Variants in ARHGEF6 observed in about 807,000 individuals in gnomAD.
ARHGEF6 encodes the protein Rac/Cdc42 guanine nucleotide exchange factor 6.
Under a neutral mutation model 70.3 loss-of-function variants are expected in ARHGEF6, and 9 were observed. The ratio of observed to expected loss-of-function variants is 0.13; its 90% CI spans 0.08 to 0.22. ARHGEF6 has a LOEUF of 0.22. Among genes scored for constraint, ARHGEF6 ranks in the 10% least tolerant of loss-of-function variants. The pLI is 1.00. For missense variants in ARHGEF6, 470 were observed against 563.0 expected (o/e 0.83, Z 1.67); for synonymous variants, 201 against 207.8 (o/e 0.97, Z 0.28).
intron 9 of ARHGEF6, among the ~76,000 whole-genome samples, chrX:136,699,410 T>TA (rs1409689527): frequency 1.8e-5 from 2 of 110,807 alleles, no homozygotes; most frequent in Non-Finnish European, 3.8e-5. Flanking sequence ...TTTAAAATAA[T>TA]AAAAAAATAA....
intron 6 of ARHGEF6, among the ~76,000 whole-genome samples, chrX:136,727,391 TTC>T (rs1454784537): frequency 3.0e-5 from 2 of 67,228 alleles, no homozygotes; most frequent in Non-Finnish European, 5.7e-5. Flanking sequence ...CTTTCTTTCT[TTC>T]TTTCTCTCTC....
At chrX:136,750,648 C>T (rs2077140415) in intron 2 of ARHGEF6, among the ~76,000 whole-genome samples, 1 of 111,768 alleles carries the variant, frequency 8.9e-6, no homozygotes, top group East Asian at 2.8e-4. Context: ...AGGTATCATT[C>T]CTGCAATCAG....
intron 9 of ARHGEF6, among the ~76,000 whole-genome samples, chrX:136,693,970 A>G (rs2076484433): frequency 9.1e-6 from 1 of 110,445 alleles, no homozygotes; most frequent in Non-Finnish European, 1.9e-5. Flanking sequence ...CACTGGGTAG[A>G]GTGGTTCCCT....
At position 136,682,022 on chromosome X, in the gene ARHGEF6, A is replaced by T. The variant is rs887254922; in HGVS notation, c.1480-54T>A. On this transcript the variant is annotated intron_variant, in intron 13 of 21. Transcript: ENST00000250617. Reference sequence around the variant, plus strand: ...TCTGCAGTTATACAGGTCTCTGTTTATTTCACTTAGATTTTCTGACCCTCT... The same window carrying T: ...TCTGCAGTTATACAGGTCTCTGTTTTTTTCACTTAGATTTTCTGACCCTCT... 1.4e-5 allele frequency: 14 copies of T among 1,023,545 alleles called. No individual in the cohort carries two copies. The African/African-American group carries it at 2.6e-4, about 19-fold the overall frequency. 84.4% of individuals were successfully genotyped at this position (1,023,545 alleles called of 1,213,427 possible).
rs981888723 is a variant in ARHGEF6, at chrX:136,672,129, A to G, written c.2036-10T>C. The G allele has an allele frequency of 8.6e-7, 1 of 1,158,307 alleles. No individual in the cohort carries two copies. Among genetic ancestry groups the G allele is most frequent in the African/African-American group, 1.8e-5 (1 of 56,177 alleles). On this transcript the variant is annotated splice_polypyrimidine_tract_variant and intron_variant, in intron 19 of 21. Transcript: ENST00000250617. Reference sequence around the variant, plus strand: ...GAATCTTTTCGAGTACCTACAAACAAGGGTTGCAAGATGGGGGAGGAGGGA... The same window carrying G: ...GAATCTTTTCGAGTACCTACAAACAGGGGTTGCAAGATGGGGGAGGAGGGA...
intron 9 of ARHGEF6, 55 bp downstream of exon 9, chrX:136,706,853 C>G: frequency 8.3e-7 from 1 of 1,200,276 alleles, no homozygotes; most frequent in South Asian, 1.8e-5. Flanking sequence ...TTCCAAATGA[C>G]GTGGTCCTAA....
intron 2 of ARHGEF6, among the ~76,000 whole-genome samples, chrX:136,769,404 C>T (rs2077347915): frequency 9.0e-6 from 1 of 111,002 alleles, no homozygotes; most frequent in African/African-American, 3.3e-5. Context: ...GAGCGAGACT[C>T]CATCTCAAAA....
intron 5 of ARHGEF6, among the ~76,000 whole-genome samples, chrX:136,733,058 C>T (rs2040715346): frequency 9.1e-6 from 1 of 109,709 alleles, no homozygotes; most frequent in Admixed American, 9.8e-5. Flanking sequence ...TACTGCCCTT[C>T]TTTTACCTAA....
Position 136,685,704 on chromosome X carries a change from T to C in ARHGEF6, c.1365A>G (p.Gln455=). 8.3e-7 allele frequency: 1 copy of C among 1,210,985 alleles called. No homozygotes were observed. Among genetic ancestry groups the C allele is most frequent in the Non-Finnish European group, 1.1e-6 (1 of 894,891 alleles). The change falls in exon 12 of 22, where the codon CAA becomes CAG. Residue 455 remains glutamine, a synonymous_variant. Coordinates refer to ENST00000250617, the MANE Select transcript of ARHGEF6 (RefSeq NM_004840.3). ...KNLGNVIFMS[Q]VMVQYGACEE... ...CACATGCTCCATACTGCACCATTAC[T>C]TGTGACATAAAAATCACATTTCCCA... is the stretch of plus-strand genomic sequence containing the variant.
chrX:136,683,380 C>T (rs1009107753), intron 12 of ARHGEF6, among the ~76,000 whole-genome samples: 9 of 110,048 alleles, frequency 8.2e-5, no homozygotes, highest in Non-Finnish European at 1.1e-4. Context: ...TTTCTTGAGA[C>T]GGAGTTTCGC....
At position 136,715,613 on chromosome X, in the gene ARHGEF6, C is replaced by T. The variant is rs183529025; in HGVS notation, c.733-2243G>A. On this transcript the variant is annotated intron_variant, in intron 6 of 21. Coordinates refer to ENST00000250617, the MANE Select transcript of ARHGEF6 (RefSeq NM_004840.3). ...CAGAGCAGAAGTCCACAAGCAGAAGCCTCCACAGGAACCAGCACTAGGGCA... is the reference window on the plus strand; with the variant it reads ...CAGAGCAGAAGTCCACAAGCAGAAGTCTCCACAGGAACCAGCACTAGGGCA... 7.3e-3 allele frequency among the ~76,000 whole-genome samples: 804 copies of T among 109,947 alleles called. 4 individuals are homozygous for T. The highest frequency in any genetic ancestry group is 0.012 in the Non-Finnish European group (644 of 52,783).
At chrX:136,724,031 ATCT>A (rs1237827129) in intron 6 of ARHGEF6, among the ~76,000 whole-genome samples, 2 of 109,489 alleles carry the variant, frequency 1.8e-5, no homozygotes, top group African/African-American at 6.6e-5. Context: ...AGGGAATTAA[ATCT>A]TCTAATCTTT....
intron 12 of ARHGEF6, among the ~76,000 whole-genome samples, 188 bp from the exon 13 acceptor site, chrX:136,683,032 A>T (rs1218806277): frequency 8.9e-6 from 1 of 111,835 alleles, no homozygotes; most frequent in East Asian, 2.8e-4. Flanking sequence ...TGACATGGAC[A>T]TAAACCCACA....
chrX:136,675,811 T>C (rs988138346), intron 18 of ARHGEF6, among the ~76,000 whole-genome samples: 1 of 111,005 alleles, frequency 9.0e-6, no homozygotes, highest in Admixed American at 9.5e-5. Context: ...TGAGCCACCG[T>C]GCCCGGCCAA....
intron 6 of ARHGEF6, among the ~76,000 whole-genome samples, chrX:136,727,329 C>T (rs199757628): frequency 0.1 from 2,833 of 27,135 alleles, 51 homozygotes; most frequent in East Asian, 0.18. Context: ...CTTTCTTTTT[C>T]TTTCTTTCTT....
In ARHGEF6 at chrX:136,723,657, C is replaced by T. The variant is rs148617922; in HGVS notation, c.732+8445G>A. 2.2e-3 allele frequency among the ~76,000 whole-genome samples: 249 copies of T among 111,910 alleles called. 1 individual carries two copies. Among genetic ancestry groups the T allele is most frequent in the African/African-American group, 7.7e-3 (239 of 30,842 alleles). On this transcript the variant is annotated intron_variant, in intron 6 of 21. Transcript: ENST00000250617. ...TATTTATTTGGGCCAGGGGGAGTGG[C>T]TCATGCCTATAATTACAGCACTTTG... is the stretch of plus-strand genomic sequence containing the variant.
intron 2 of ARHGEF6, among the ~76,000 whole-genome samples, chrX:136,752,633 T>C (rs1460257067): frequency 2.7e-5 from 3 of 111,956 alleles, no homozygotes; most frequent in Non-Finnish European, 5.6e-5. Context: ...TAACACCCAA[T>C]CAACTGCTAT....
intron 2 of ARHGEF6, among the ~76,000 whole-genome samples, chrX:136,765,523 T>G (rs2077305092): frequency 8.9e-6 from 1 of 112,049 alleles, no homozygotes; most frequent in Non-Finnish European, 1.9e-5. Flanking sequence ...AAAACTCTCC[T>G]CCTGTCCTTA....
intron 9 of ARHGEF6, among the ~76,000 whole-genome samples, chrX:136,694,232 T>A (rs2076487886): frequency 9.0e-6 from 1 of 111,268 alleles, no homozygotes; most frequent in Non-Finnish European, 1.9e-5. Context: ...TTTGTGCTTT[T>A]AGTAGAGATG....
Sources: gnomAD v4.1 joint callset for allele counts (sites outside exome capture counted in the v4.1 genomes callset) on GRCh38, gnomAD v4.1.1 for gene constraint, MANE v1.5 for transcripts, NCBI Gene and HGNC (gene_info 2026-07-23, HGNC 2026-07-21) for gene names.